Variants in PARP1 observed in about 807,000 individuals in gnomAD.
The protein encoded by PARP1 is poly [ADP-ribose] polymerase 1.
Under a neutral mutation model 118.7 loss-of-function variants are expected in PARP1, and 44 were observed. The observed-to-expected ratio is 0.37, with a 90% CI of 0.29 to 0.48. The LOEUF is 0.48. Among genes scored for constraint, PARP1 ranks in the 20% least tolerant of loss-of-function variants. The pLI is 0.99. For missense variants in PARP1, 1,100 were observed against 1,272.4 expected, an observed-to-expected ratio of 0.86 and a Z score of 2.06; for synonymous variants, 492 against 483.2, an observed-to-expected ratio of 1.02 and a Z score of -0.24.
At position 226,361,301 on chromosome 1, in the gene PARP1, T is replaced by A; in HGVS notation, c.*159A>T. ...AACACAAAACAAGGGACTTGAGAAG[T>A]TAGAGAAAACCTTTAACACGTTTCT... On this transcript the variant is annotated 3_prime_UTR_variant, in exon 23 of 23. Transcript: ENST00000366794. 1 of 693,342 alleles carries A rather than the reference T, an allele frequency of 1.4e-6. No individual in the cohort carries two copies. The highest frequency in any genetic ancestry group is 2.7e-6 in the Non-Finnish European group (1 of 371,924). The allele number at this position is 693,342 out of a possible 1,614,324, so 42.9% of individuals were successfully genotyped here. A position where few individuals can be genotyped will look rare whatever the true frequency, so the allele number is the denominator to read the frequency against.
rs1664317008 is a variant in PARP1 at position 226,368,455 on chromosome 1, T to G, written c.2155-134A>C. ...TGGTATGTGCACATGCCAGGACACA[T>G]GGGAAACGACCAGAAGACCATCTTC... is the stretch of plus-strand genomic sequence containing the variant. On this transcript the variant is annotated intron_variant, in intron 15 of 22. Transcript: ENST00000366794. The G allele has an allele frequency of 3.6e-6, 4 of 1,109,546 alleles. No homozygotes were observed. In the South Asian group the frequency reaches 5.2e-5, roughly 15 times the overall value. The allele number at this position is 1,109,546 out of a possible 1,614,324, so 68.7% of individuals were successfully genotyped here.
rs762534387 is a variant in PARP1 at position 226,380,060 on chromosome 1, G to A, written c.1405C>T (p.Leu469Phe). 6 of 1,614,232 alleles carry A rather than the reference G, an allele frequency of 3.7e-6. No individual in the cohort carries two copies. The highest frequency in any genetic ancestry group is 1.1e-5 in the South Asian group (1 of 91,080). ...LQDVSASTKS[L>F]QELFLAHILS... ...ATGTGCGCTAAGAACAACTCCTGAA[G>A]GCTCTTGGTGGAGGCGGAGACGTCC... The change falls in exon 10 of 23, where the codon CTT (leucine) becomes TTT (phenylalanine). Residue 469 changes from leucine to phenylalanine, a missense_variant. Physicochemically the swap from Leu to Phe is conservative, Grantham distance 22. Coordinates refer to ENST00000366794, the MANE Select transcript of PARP1 (RefSeq NM_001618.4).
chr1:226,388,275 G>C (rs1664752181), intron 5 of PARP1, among the ~76,000 whole-genome samples: 1 of 152,120 alleles, frequency 6.6e-6, no homozygotes, highest in Non-Finnish European at 1.5e-5. Context: ...AGAATCTTTG[G>C]CATCCTCTAA....
intron 11 of PARP1, 49 bp downstream of exon 11, chr1:226,379,524 G>T: frequency 6.8e-7 from 1 of 1,460,068 alleles, no homozygotes; most frequent in Non-Finnish European, 9.6e-7. Flanking sequence ...AGTCAGCTGG[G>T]GGTTGGGGGG....
In PARP1 at chr1:226,375,853, A is replaced by G. The variant is rs114221477; in HGVS notation, c.1941+1255T>C. Among the ~76,000 whole-genome samples, 947 of 152,330 alleles carry G rather than the reference A, an allele frequency of 6.2e-3. 7 individuals are homozygous for G. Among genetic ancestry groups the G allele is most frequent in the African/African-American group, 0.022 (916 of 41,588 alleles). On this transcript the variant is annotated intron_variant, in intron 13 of 22. Transcript: ENST00000366794. ...CCTGGTACATTAGGGCAAAAAGCAG[A>G]TGGTTGTAACATGGTACATATGGTG... is the stretch of plus-strand genomic sequence containing the variant.
At chr1:226,367,721 AC>A in intron 16 of PARP1, 113 bp from the exon 17 acceptor site, 3 of 1,227,138 alleles carry the variant, frequency 2.4e-6, no homozygotes, top group South Asian at 2.4e-5. Context: ...TGAATGGCAA[AC>A]CCTCCTGCTG....
intron 15 of PARP1, 108 bp from the exon 16 acceptor site, chr1:226,368,429 G>A (rs549150768): frequency 9.9e-6 from 14 of 1,413,368 alleles, no homozygotes; most frequent in East Asian, 4.6e-5. Context: ...CAGAAGTAGC[G>A]TGGTATGTGC....
chr1:226,392,951 T>TCA, intron 2 of PARP1: 1 of 1,573,118 alleles, frequency 6.4e-7, no homozygotes, highest in Non-Finnish European at 8.5e-7. Context: ...TATCTTCCCA[T>TCA]CACTTCTATT....
chr1:226,403,890 C>T (rs528940949), intron 1 of PARP1, among the ~76,000 whole-genome samples: 5 of 152,276 alleles, frequency 3.3e-5, no homozygotes, highest in East Asian at 1.9e-4. Context: ...GATGGAGTTG[C>T]GGGGACAGGG....
intron 2 of PARP1, chr1:226,392,664 C>T (rs1044340477): frequency 1.3e-5 from 7 of 537,420 alleles, no homozygotes; most frequent in Middle Eastern, 4.8e-4. Flanking sequence ...AGCATACTGA[C>T]GTCTCACTAA....
At chr1:226,403,524 GAC>G (rs543132831) in intron 1 of PARP1, among the ~76,000 whole-genome samples, 276 of 152,368 alleles carry the variant, frequency 1.8e-3, no homozygotes, top group Admixed American at 3.1e-3. Context: ...AGAAGGGGAA[GAC>G]ACAGTATGTA....
chr1:226,405,350 C>G (rs1258120391), intron 1 of PARP1, among the ~76,000 whole-genome samples: 1 of 151,978 alleles, frequency 6.6e-6, no homozygotes, highest in Non-Finnish European at 1.5e-5. Context: ...GTCGCCCAGG[C>G]TGGAGTGCAG....
At chr1:226,382,519 C>G (rs773348793) in intron 8 of PARP1, among the ~76,000 whole-genome samples, 2 of 152,152 alleles carry the variant, frequency 1.3e-5, no homozygotes, top group Non-Finnish European at 2.9e-5. Flanking sequence ...GCTGCTTGTT[C>G]TTCTACAATG....
Position 226,383,044 on chromosome 1 carries a change from G to A in PARP1, c.1151C>T (p.Ala384Val), listed in dbSNP as rs750176481. 24 of 1,612,728 alleles carry A rather than the reference G, an allele frequency of 1.5e-5. No individual in the cohort carries two copies. Among genetic ancestry groups the A allele is most frequent in the Non-Finnish European group, 2.0e-5 (24 of 1,180,006 alleles). Reference sequence around the variant, plus strand: ...GGTCCCAAATGCTGTACCTGCTGAAGCAGAGGAGTTCACAGCAGCAGGAGC... The same window carrying A: ...GGTCCCAAATGCTGTACCTGCTGAAACAGAGGAGTTCACAGCAGCAGGAGC... ...ASAPAAVNSS[A>V]SADKPLSNMK... The change falls in exon 8 of 23, where the codon GCT (alanine) becomes GTT (valine). Residue 384 changes from alanine (A) to valine (V), a missense_variant. Around this residue, in one of 2 missense-constraint regions of PARP1, gnomAD observed 948 missense variants for 1,031.8 expected, o/e 0.92. Transcript: ENST00000366794.
chr1:226,363,139 T>G lies in PARP1; in HGVS notation c.2808A>C (p.Ser936=). ...TGCCCTTGGGTAACTTGCTGATATG[T>G]GAAGCGTGCTTCAGTTCATACCTAT... is the stretch of plus-strand genomic sequence containing the variant. ...LGNMYELKHA[S]HISKLPKGKH... Residue 936 remains serine, a synonymous_variant, in exon 21 of 23, where the codon TCA becomes TCC. Transcript: ENST00000366794. The G allele has an allele frequency of 2.5e-6, 4 of 1,613,706 alleles. No individual in the cohort carries two copies. Among genetic ancestry groups the G allele is most frequent in the Non-Finnish European group, 3.4e-6 (4 of 1,179,602 alleles).
At chr1:226,400,132 T>C (rs1399562467) in intron 2 of PARP1, among the ~76,000 whole-genome samples, 1 of 152,038 alleles carries the variant, frequency 6.6e-6, no homozygotes, top group African/African-American at 2.4e-5. Flanking sequence ...GGGAGATGAA[T>C]AAGCCAATAA....
intron 18 of PARP1, among the ~76,000 whole-genome samples, 189 bp from the exon 19 acceptor site, chr1:226,365,343 C>T (rs1664236316): frequency 6.6e-6 from 1 of 152,216 alleles, no homozygotes; most frequent in Non-Finnish European, 1.5e-5. Context: ...CCCAGCAGCG[C>T]CCAGCCATTG....
chr1:226,376,032 C>T (rs1455446058), intron 13 of PARP1, among the ~76,000 whole-genome samples: 8 of 152,038 alleles, frequency 5.3e-5, no homozygotes, highest in Admixed American at 1.3e-4. Flanking sequence ...GGGGCGCTAC[C>T]GAGTCAGGCC....
At position 226,368,193 on chromosome 1, in the gene PARP1, C is replaced by T. The variant is rs772604554; in HGVS notation, c.2277+6G>A. 96 of 1,614,044 alleles carry T rather than the reference C, an allele frequency of 5.9e-5. 1 individual carries two copies. The highest frequency in any genetic ancestry group is 3.3e-4 in the Middle Eastern group (2 of 6,084). On this transcript the variant is annotated splice_donor_region_variant and intron_variant, in intron 16 of 22. Coordinates refer to ENST00000366794, the MANE Select transcript of PARP1 (RefSeq NM_001618.4). The stretch of plus-strand genomic sequence containing the variant: ...ACCTGCAGTCCCTTCTGAACCCTTG[C>T]GCTACCTGCACACTGTCTGCATTGT...
Sources: gnomAD v4.1 joint callset for allele counts (sites outside exome capture counted in the v4.1 genomes callset) on GRCh38, gnomAD v4.1.1 for gene constraint, gnomAD v4.1.1 regional missense constraint, MANE v1.5 for transcripts, NCBI Gene and HGNC (gene_info 2026-07-23, HGNC 2026-07-21) for gene names.